GAS7: variants seen among roughly 807,000 people sequenced by gnomAD.
GAS7 encodes growth arrest-specific protein 7.
A neutral mutation model predicts 71.1 loss-of-function variants in GAS7; 28 were observed. The observed-to-expected ratio is 0.39, with a 90% CI of 0.29 to 0.54. GAS7 has a LOEUF of 0.54. Ranked by LOEUF, GAS7 falls within the 20% of genes least tolerant of loss-of-function variation. GAS7 has a pLI of 0.62. For synonymous variants in GAS7, 258 were observed against 245.8 expected (o/e 1.05, Z -0.46); for missense variants, 436 against 627.8 (o/e 0.69, Z 3.27).
chr17:9,999,765 TG>T lies in GAS7; in HGVS notation c.305-17882del, dbSNP rs1022113657. Among the ~76,000 whole-genome samples, 18 of 152,204 alleles carry T rather than the reference TG, an allele frequency of 1.2e-4. 1 individual carries two copies. In the East Asian group the frequency reaches 3.3e-3, roughly 28 times the overall value. ...CACTGTAAAACATGTATAGAAATTC[TG>T]GGCAAAAAAAGCTATTCTCAAACGT... On this transcript the variant is annotated intron_variant, in intron 2 of 13. Transcript: ENST00000432992.
chr17:10,094,635 AT>A, intron 1 of GAS7, among the ~76,000 whole-genome samples: 1 of 151,722 alleles, frequency 6.6e-6, no homozygotes, highest in Non-Finnish European at 1.5e-5. Context: ...CGCCTGACTA[AT>A]TTTTTGTATT....
intron 1 of GAS7, chr17:10,036,796 C>T: frequency 9.0e-7 from 1 of 1,108,686 alleles, no homozygotes; most frequent in Non-Finnish European, 1.1e-6. Flanking sequence ...CCTTTCTCAG[C>T]TAAAAAACGT....
intron 1 of GAS7, among the ~76,000 whole-genome samples, chr17:10,150,975 C>T (rs115014830): frequency 2.0e-5 from 3 of 152,104 alleles, no homozygotes; most frequent in Admixed American, 6.6e-5. Flanking sequence ...CTCAGTTTCC[C>T]CACCTGTAAA....
chr17:10,144,675 T>C lies in GAS7; in HGVS notation c.183+53533A>G, dbSNP rs550326901. On this transcript the variant is annotated intron_variant, in intron 1 of 13. Transcript: ENST00000432992. ...CCTCCCACCTCAGCCCCCTAAGTAG[T>C]TGGGACCACAGGCATGCACCAGCAT... Among the ~76,000 whole-genome samples the C allele has an allele frequency of 8.5e-5, 13 of 152,058 alleles. No individual in the cohort carries two copies. In the East Asian group the frequency reaches 2.3e-3, roughly 27 times the overall value.
intron 1 of GAS7, among the ~76,000 whole-genome samples, chr17:10,061,769 G>A (rs895465654): frequency 1.3e-5 from 2 of 152,072 alleles, no homozygotes; most frequent in African/African-American, 4.8e-5. Flanking sequence ...ACAGCGAACT[G>A]TGCTGGGCGT....
intron 1 of GAS7, among the ~76,000 whole-genome samples, chr17:10,126,972 A>T (rs1430350185): frequency 6.6e-6 from 1 of 152,128 alleles, no homozygotes; most frequent in East Asian, 1.9e-4. Context: ...GAGTCTAGAA[A>T]CCTGGGTGTG....
At chr17:9,935,469 C>T (rs1040683696) in intron 8 of GAS7, among the ~76,000 whole-genome samples, 1 of 152,220 alleles carries the variant, frequency 6.6e-6, no homozygotes, top group Non-Finnish European at 1.5e-5. Context: ...GCCAGTAAAT[C>T]CAGGCTGAAT....
At chr17:10,127,999 G>A (rs755486655) in intron 1 of GAS7, among the ~76,000 whole-genome samples, 1 of 152,166 alleles carries the variant, frequency 6.6e-6, no homozygotes, top group Non-Finnish European at 1.5e-5. Flanking sequence ...CGTTCAGCTT[G>A]GATGGACTCC....
At chr17:10,142,969 G>A (rs10852920) in intron 1 of GAS7, among the ~76,000 whole-genome samples, 128,672 of 150,610 alleles carry the variant, frequency 0.85, 54,967 homozygotes, top group Middle Eastern at 0.9. Flanking sequence ...TCAGGAGTTC[G>A]AGACCAGCCT....
At chr17:10,051,731 C>T (rs1223901912) in intron 1 of GAS7, among the ~76,000 whole-genome samples, 1 of 152,168 alleles carries the variant, frequency 6.6e-6, no homozygotes, top group Non-Finnish European at 1.5e-5. Context: ...TGAAAATGGC[C>T]TCATGTGCCT....
intron 1 of GAS7, among the ~76,000 whole-genome samples, chr17:10,197,185 G>A (rs551921436): frequency 6.6e-6 from 1 of 152,032 alleles, no homozygotes; most frequent in Non-Finnish European, 1.5e-5. Context: ...CGCCCCCGAT[G>A]AATTGCACTG....
chr17:9,965,483 G>C (rs2069668665), intron 4 of GAS7, among the ~76,000 whole-genome samples: 1 of 152,064 alleles, frequency 6.6e-6, no homozygotes, highest in African/African-American at 2.4e-5. Context: ...GGACACCGGT[G>C]GGGGAACATC....
At chr17:10,005,203 GTGTGCATGTGCGCGTGTGCATGTA>G (rs2071461455) in intron 2 of GAS7, among the ~76,000 whole-genome samples, 1 of 142,248 alleles carries the variant, frequency 7.0e-6, no homozygotes, top group Non-Finnish European at 1.5e-5. Context: ...GCATGCATGT[GTGTGCATGTGCGCGTGTGCATGTA>G]TGTGTATGTG....
chr17:10,057,676 G>T (rs1466198531), intron 1 of GAS7, among the ~76,000 whole-genome samples: 2 of 151,374 alleles, frequency 1.3e-5, no homozygotes, highest in Admixed American at 1.3e-4. Flanking sequence ...GAGGTGGGGG[G>T]CGCCTCTGCC....
intron 4 of GAS7, among the ~76,000 whole-genome samples, chr17:9,968,544 C>T (rs913028501): frequency 1.3e-4 from 20 of 152,352 alleles, no homozygotes; most frequent in African/African-American, 3.6e-4. Context: ...CCTAACAGAA[C>T]GACTTAATAA....
chr17:9,945,744 G>A (rs916173607), intron 6 of GAS7, among the ~76,000 whole-genome samples: 11 of 152,032 alleles, frequency 7.2e-5, no homozygotes, highest in African/African-American at 2.7e-4. Context: ...GCCAAGGTGG[G>A]TGGATCACCT....
chr17:10,059,834 G>T, intron 1 of GAS7: 1 of 983,786 alleles, frequency 1.0e-6, no homozygotes, highest in Non-Finnish European at 1.2e-6. Context: ...AGCCACGCAG[G>T]TTAGCATTAA....
intron 1 of GAS7, among the ~76,000 whole-genome samples, chr17:10,163,170 G>A (rs990599234): frequency 9.9e-5 from 15 of 152,162 alleles, no homozygotes; most frequent in African/African-American, 3.6e-4. Flanking sequence ...GACTGCAGTC[G>A]CGTGATCTCG....
At chr17:10,164,808 C>A in intron 1 of GAS7, among the ~76,000 whole-genome samples, 1 of 137,168 alleles carries the variant, frequency 7.3e-6, no homozygotes. Context: ...GACTGGGCAA[C>A]ATGGTGAGAT....
Sources: allele counts gnomAD v4.1 joint callset (sites outside exome capture counted in the v4.1 genomes callset), GRCh38; gene constraint gnomAD v4.1.1; transcripts MANE v1.5; gene names NCBI Gene and HGNC (gene_info 2026-07-23, HGNC 2026-07-21).